The following LRRC7 variants were observed in gnomAD, a reference collection of about 807,000 sequenced individuals.
The protein encoded by LRRC7 is leucine-rich repeat-containing protein 7.
A neutral mutation model predicts 175.7 loss-of-function variants in LRRC7; 23 were observed. That is an observed-to-expected ratio of 0.13 (90% CI 0.09 to 0.19). The LOEUF is 0.19. Ranked by LOEUF, LRRC7 falls within the 10% of genes least tolerant of loss-of-function variation. The pLI, the probability that LRRC7 is intolerant of heterozygous loss-of-function variation, is 1.00. For missense variants in LRRC7, 1,354 were observed against 1,904.7 expected (o/e 0.71, Z 5.38); for synonymous variants, 685 against 680.9 (o/e 1.01, Z -0.09).
chr1:69,865,321 C>T (rs1172675531), intron 7 of LRRC7, among the ~76,000 whole-genome samples: 1 of 151,782 alleles, frequency 6.6e-6, no homozygotes, highest in Non-Finnish European at 1.5e-5. Flanking sequence ...TGCATGATGC[C>T]TATCAGAAAA....
At chr1:69,901,720 A>G (rs1334753276) in intron 7 of LRRC7, among the ~76,000 whole-genome samples, 1 of 152,206 alleles carries the variant, frequency 6.6e-6, no homozygotes, top group African/African-American at 2.4e-5. Flanking sequence ...AGAGAACTTT[A>G]TTAAAAAAAA....
chr1:70,086,237 C>T (rs1013209201), intron 24 of LRRC7, among the ~76,000 whole-genome samples: 2 of 152,100 alleles, frequency 1.3e-5, no homozygotes, highest in African/African-American at 4.8e-5. Context: ...GATCCTCCTG[C>T]CTCAGCCTCC....
chr1:69,919,449 C>CA (rs1250722944), intron 7 of LRRC7: 1 of 976,798 alleles, frequency 1.0e-6, no homozygotes, highest in Non-Finnish European at 1.6e-6. Context: ...TCACTAACCC[C>CA]AGCCAGTGGG....
intron 26 of LRRC7, among the ~76,000 whole-genome samples, chr1:70,118,411 AT>A (rs1479851549): frequency 2.6e-5 from 4 of 152,162 alleles, no homozygotes; most frequent in Non-Finnish European, 5.9e-5. Context: ...ATTTCTACCA[AT>A]ATTTTTAGAA....
intron 1 of LRRC7, among the ~76,000 whole-genome samples, chr1:69,584,627 T>C (rs913195878): frequency 6.6e-6 from 1 of 152,162 alleles, no homozygotes; most frequent in Non-Finnish European, 1.5e-5. Context: ...ATTACCGTAA[T>C]AATTCTTTAG....
At chr1:69,589,051 T>A (rs1224702259) in intron 1 of LRRC7, among the ~76,000 whole-genome samples, 1 of 148,948 alleles carries the variant, frequency 6.7e-6, no homozygotes. Flanking sequence ...CATTTTTAGT[T>A]CAATTTGTTC....
intron 8 of LRRC7, among the ~76,000 whole-genome samples, chr1:69,962,698 C>T (rs1367997081): frequency 6.6e-6 from 1 of 152,024 alleles, no homozygotes; most frequent in African/African-American, 2.4e-5. Flanking sequence ...AGCTGGAGGC[C>T]ATTATCCTTA....
chr1:69,998,223 A>G (rs1395678211), intron 11 of LRRC7, among the ~76,000 whole-genome samples: 2 of 152,110 alleles, frequency 1.3e-5, no homozygotes, highest in African/African-American at 4.8e-5. Flanking sequence ...GAAGCCTTGA[A>G]ACTATCACCA....
intron 4 of LRRC7, among the ~76,000 whole-genome samples, chr1:69,825,282 G>A (rs754173488): frequency 2.0e-5 from 3 of 152,172 alleles, no homozygotes; most frequent in Non-Finnish European, 2.9e-5. Context: ...AGTTTTGGGT[G>A]TATTCCTAAG....
In LRRC7 at chr1:70,123,852, G is replaced by A. The variant is rs1199020207; in HGVS notation, c.*1965G>A. Among the ~76,000 whole-genome samples the A allele has an allele frequency of 4.6e-5, 7 of 152,092 alleles. No individual in the cohort carries two copies. The highest frequency in any genetic ancestry group is 4.6e-4 in the Admixed American group (7 of 15,274). On this transcript the variant is annotated 3_prime_UTR_variant, in exon 27 of 27. Transcript: ENST00000651989. ...GATCACTTAAAGAAAAAAAACTCAT[G>A]GCTGTAGTTTGGTGGCAATGAAACA...
At chr1:69,764,722 T>TAGAC (rs1220324891) in intron 3 of LRRC7, among the ~76,000 whole-genome samples, 1 of 99,974 alleles carries the variant, frequency 1.0e-5, no homozygotes, top group Non-Finnish European at 2.1e-5. Flanking sequence ...GGTAGGTAGA[T>TAGAC]AGATAGACAG....
At position 70,131,488 on chromosome 1, in the gene LRRC7, G is replaced by T. The variant is rs1367148475; in HGVS notation, c.*9601G>T. Among the ~76,000 whole-genome samples, 2 of 152,096 alleles carry T rather than the reference G, an allele frequency of 1.3e-5. No individual in the cohort carries two copies. The highest frequency in any genetic ancestry group is 2.9e-5 in the Non-Finnish European group (2 of 68,002). Reference sequence around the variant, plus strand: ...TTCATAGCTAAGTAACTCCAGAATTGAGTGAAATATTCCGAAACATTAAAT... The same window carrying T: ...TTCATAGCTAAGTAACTCCAGAATTTAGTGAAATATTCCGAAACATTAAAT... On this transcript the variant is annotated 3_prime_UTR_variant, in exon 27 of 27. Coordinates refer to ENST00000651989, the MANE Select transcript of LRRC7 (RefSeq NM_001370785.2).
At chr1:69,820,875 C>T (rs1375909027) in intron 4 of LRRC7, among the ~76,000 whole-genome samples, 1 of 152,022 alleles carries the variant, frequency 6.6e-6, no homozygotes, top group Admixed American at 6.6e-5. Context: ...GGGTATATAC[C>T]CAGTAATGGG....
intron 7 of LRRC7, among the ~76,000 whole-genome samples, chr1:69,854,585 G>A (rs1311661999): frequency 6.6e-6 from 1 of 151,950 alleles, no homozygotes; most frequent in African/African-American, 2.4e-5. Flanking sequence ...ACTTACTGAG[G>A]GTAACTTGAT....
intron 2 of LRRC7, among the ~76,000 whole-genome samples, chr1:69,725,149 A>G (rs900673050): frequency 6.6e-6 from 1 of 152,162 alleles, no homozygotes; most frequent in South Asian, 2.1e-4. Flanking sequence ...AAAAAAGACA[A>G]TGTTATTTAA....
chr1:70,039,842 A>C, intron 21 of LRRC7, 49 bp downstream of exon 21: 1 of 1,523,732 alleles, frequency 6.6e-7, no homozygotes, highest in Non-Finnish European at 8.8e-7. Flanking sequence ...CTTTAGTGTT[A>C]CTTTATTGGC....
intron 7 of LRRC7, among the ~76,000 whole-genome samples, chr1:69,842,512 G>T (rs192139155): frequency 6.6e-6 from 1 of 152,268 alleles, no homozygotes; most frequent in African/African-American, 2.4e-5. Flanking sequence ...CATGAAACAT[G>T]ATACCTCACT....
intron 9 of LRRC7, 132 bp downstream of exon 9, chr1:69,980,585 C>A: frequency 1.5e-6 from 1 of 675,132 alleles, no homozygotes. Context: ...AGTGTTCAGT[C>A]ACCAAGTGTT....
Position 69,839,276 on chromosome 1 carries a change from A to G in LRRC7, c.647+993A>G, listed in dbSNP as rs563739389. Among the ~76,000 whole-genome samples, 116 of 152,254 alleles carry G rather than the reference A, an allele frequency of 7.6e-4. No individual in the cohort carries two copies. In the South Asian group the frequency reaches 0.023, roughly 30 times the overall value. The stretch of plus-strand genomic sequence containing the variant: ...AATATAATGCCACAATTATGAAAAT[A>G]ACTTTCAATAATGATATGGATTTAA... On this transcript the variant is annotated intron_variant, in intron 7 of 26. Transcript: ENST00000651989.
Sources: gnomAD v4.1 joint callset for allele counts (sites outside exome capture counted in the v4.1 genomes callset) on GRCh38, gnomAD v4.1.1 for gene constraint, MANE v1.5 for transcripts, NCBI Gene and HGNC (gene_info 2026-07-23, HGNC 2026-07-21) for gene names.